Variants in CTNNA3 observed in about 807,000 individuals in gnomAD.
CTNNA3 encodes catenin alpha 3, also known as catenin alpha-3.
CTNNA3 carries 76 observed loss-of-function variants against 95.7 expected under a neutral mutation model. The observed-to-expected ratio is 0.79, with a 90% CI of 0.66 to 0.96. CTNNA3 has a LOEUF of 0.96. CTNNA3 is among the 40% of genes least tolerant of loss of function. CTNNA3 has a pLI of 0.00. For missense variants in CTNNA3, 1,191 were observed against 1,089.8 expected (o/e 1.09, Z -1.31); for synonymous variants, 431 against 374.4 (o/e 1.15, Z -1.74).
intron 14 of CTNNA3, 35 bp from the exon 15 acceptor site, chr10:66,069,524 C>T: frequency 2.0e-6 from 3 of 1,519,152 alleles, no homozygotes; most frequent in Non-Finnish European, 2.7e-6. Context: ...AAAATCATTC[C>T]ACTATGTCAA....
chr10:67,408,882 C>CAAAAA (rs766212790), intron 5 of CTNNA3, among the ~76,000 whole-genome samples: 5 of 97,180 alleles, frequency 5.1e-5, no homozygotes, highest in Non-Finnish European at 5.8e-5. Context: ...CTTAAATTTA[C>CAAAAA]AAAAAAAAAA....
At chr10:67,467,712 T>A (rs543308519) in intron 5 of CTNNA3, among the ~76,000 whole-genome samples, 1 of 151,614 alleles carries the variant, frequency 6.6e-6, no homozygotes, top group Middle Eastern at 3.4e-3. Context: ...TTTTATTTAT[T>A]ATTATTATTA....
At chr10:65,964,878 G>T (rs955272146) in intron 17 of CTNNA3, among the ~76,000 whole-genome samples, 5 of 152,044 alleles carry the variant, frequency 3.3e-5, no homozygotes, top group African/African-American at 1.2e-4. Flanking sequence ...TAATACATAT[G>T]CATCTATACA....
At chr10:67,543,210 T>G (rs1335862618) in intron 3 of CTNNA3, among the ~76,000 whole-genome samples, 1 of 151,980 alleles carries the variant, frequency 6.6e-6, no homozygotes, top group African/African-American at 2.4e-5. Flanking sequence ...AAAAAATCAG[T>G]TATGAAATGC....
At chr10:67,638,957 G>A (rs1589520276) in intron 2 of CTNNA3, among the ~76,000 whole-genome samples, 1 of 152,070 alleles carries the variant, frequency 6.6e-6, no homozygotes, top group East Asian at 1.9e-4. Context: ...AACTAGAGAA[G>A]CAAGAGCAAA....
At chr10:67,563,845 C>T (rs1841641499) in intron 3 of CTNNA3, among the ~76,000 whole-genome samples, 1 of 150,094 alleles carries the variant, frequency 6.7e-6, no homozygotes, top group African/African-American at 2.5e-5. Context: ...TATGAACAGA[C>T]ACTTCTCAAA....
intron 1 of CTNNA3, among the ~76,000 whole-genome samples, chr10:67,706,545 G>GA (rs987537428): frequency 3.3e-5 from 5 of 151,858 alleles, no homozygotes; most frequent in Admixed American, 6.6e-5. Flanking sequence ...CAGAAGTGAT[G>GA]AAAAAAAACT....
chr10:67,707,775 T>C lies in CTNNA3; in HGVS notation c.-2+55659A>G, dbSNP rs1011367705. 1.6e-4 allele frequency among the ~76,000 whole-genome samples: 24 copies of C among 152,142 alleles called. 1 individual carries two copies. Among genetic ancestry groups the C allele is most frequent in the African/African-American group, 5.8e-4 (24 of 41,440 alleles). ...ATCAAGGAAAATTTCCTGGTGAAAG[T>C]TACATTCACCTTGATACGAAATGAA... On this transcript the variant is annotated intron_variant, in intron 1 of 17. Transcript: ENST00000684154.
At chr10:66,040,832 G>A (rs138495124) in intron 15 of CTNNA3, among the ~76,000 whole-genome samples, 61 of 152,268 alleles carry the variant, frequency 4.0e-4, no homozygotes, top group African/African-American at 1.4e-3. Context: ...CATGACACAA[G>A]TTTATCTATA....
chr10:66,161,802 T>A (rs1313812843), intron 13 of CTNNA3, among the ~76,000 whole-genome samples: 2 of 152,172 alleles, frequency 1.3e-5, no homozygotes, highest in Non-Finnish European at 2.9e-5. Context: ...TTTTCCGAAT[T>A]TTTGGAATTC....
chr10:66,688,667 A>G (rs1352793728), intron 9 of CTNNA3, among the ~76,000 whole-genome samples: 1 of 152,142 alleles, frequency 6.6e-6, no homozygotes, highest in African/African-American at 2.4e-5. Context: ...TTCTAAAATT[A>G]AAGCCCCATA....
intron 7 of CTNNA3, among the ~76,000 whole-genome samples, chr10:67,092,886 A>T (rs778366656): frequency 6.6e-5 from 10 of 152,016 alleles, no homozygotes; most frequent in Non-Finnish European, 1.3e-4. Flanking sequence ...TCCTAAGGGA[A>T]TTTCCTAAAT....
chr10:67,393,224 A>G (rs1844578864), intron 5 of CTNNA3, among the ~76,000 whole-genome samples: 1 of 152,116 alleles, frequency 6.6e-6, no homozygotes, highest in Non-Finnish European at 1.5e-5. Flanking sequence ...GTGCTACAGA[A>G]TACCTTATTC....
In CTNNA3 at chr10:65,913,816, C is replaced by G. The variant is rs1386804850; in HGVS notation, c.*6514G>C. On this transcript the variant is annotated 3_prime_UTR_variant, in exon 18 of 18. Transcript: ENST00000433211. ...GGTCAAGGAAATCCCTTAGTAGAAG[C>G]TCAACTCTCAGTGAATACCACAGAG... 6.6e-6 allele frequency: 1 copy of G among 152,092 alleles called. No homozygotes were observed. Among genetic ancestry groups the G allele is most frequent in the South Asian group, 2.1e-4 (1 of 4,826 alleles). The allele number at this position is 152,092 out of a possible 1,614,324, so 9.4% of individuals were successfully genotyped here. A position where few individuals can be genotyped will look rare whatever the true frequency, so the allele number is the denominator to read the frequency against.
chr10:66,806,167 G>A, intron 7 of CTNNA3, among the ~76,000 whole-genome samples: 1 of 151,390 alleles, frequency 6.6e-6, no homozygotes, highest in Non-Finnish European at 1.5e-5. Context: ...AAGAGAGAAG[G>A]GAAATTTAAA....
At chr10:66,128,832 T>C (rs1290662162) in intron 13 of CTNNA3, among the ~76,000 whole-genome samples, 2 of 152,096 alleles carry the variant, frequency 1.3e-5, no homozygotes, top group Non-Finnish European at 2.9e-5. Flanking sequence ...ATGTACCCAC[T>C]CTGGTGGAGG....
chr10:66,123,429 C>T (rs192298389), intron 13 of CTNNA3, among the ~76,000 whole-genome samples: 25 of 152,264 alleles, frequency 1.6e-4, no homozygotes, highest in Admixed American at 1.2e-3. Flanking sequence ...GGCTCCCTCT[C>T]GACTGCTTTT....
chr10:66,949,924 C>A (rs1054705108), intron 7 of CTNNA3, among the ~76,000 whole-genome samples: 1 of 152,174 alleles, frequency 6.6e-6, no homozygotes, highest in Admixed American at 6.6e-5. Flanking sequence ...GGGCCTAAAG[C>A]CAGACATTAA....
chr10:66,074,474 C>CAAGCT (rs1190362477), intron 14 of CTNNA3, among the ~76,000 whole-genome samples: 1 of 151,832 alleles, frequency 6.6e-6, no homozygotes, highest in Non-Finnish European at 1.5e-5. Context: ...ACTGTACCCT[C>CAAGCT]AAGCTAAGCT....
Sources: allele counts gnomAD v4.1 joint callset (sites outside exome capture counted in the v4.1 genomes callset), GRCh38; gene constraint gnomAD v4.1.1; transcripts MANE v1.5; gene names NCBI Gene and HGNC (gene_info 2026-07-23, HGNC 2026-07-21).